CDKAL1: variants seen among roughly 807,000 people sequenced by gnomAD.
The protein encoded by CDKAL1 is threonylcarbamoyladenosine tRNA methylthiotransferase.
A neutral mutation model predicts 68.2 loss-of-function variants in CDKAL1; 32 were observed. The observed-to-expected ratio is 0.47, with a 90% confidence interval of 0.35 to 0.63. The LOEUF is 0.63. CDKAL1 is among the 30% of genes least tolerant of loss of function. The pLI is 0.00. For synonymous variants in CDKAL1, 234 were observed against 244.3 expected, an observed-to-expected ratio of 0.96 and a Z score of 0.39; for missense variants, 606 against 696.7, an observed-to-expected ratio of 0.87 and a Z score of 1.47.
At chr6:20,640,335 A>G (rs1768114061) in intron 4 of CDKAL1, among the ~76,000 whole-genome samples, 1 of 152,220 alleles carries the variant, frequency 6.6e-6, no homozygotes, top group South Asian at 2.1e-4. Flanking sequence ...GTTGATTTTC[A>G]AATGGAACTG....
intron 6 of CDKAL1, among the ~76,000 whole-genome samples, chr6:20,754,694 G>A (rs958774261): frequency 2.0e-5 from 3 of 152,124 alleles, no homozygotes; most frequent in Non-Finnish European, 2.9e-5. Flanking sequence ...CTAGATATAA[G>A]TTCCTTACCA....
chr6:20,712,446 A>C (rs1771889595), intron 5 of CDKAL1, among the ~76,000 whole-genome samples: 1 of 151,946 alleles, frequency 6.6e-6, no homozygotes, highest in African/African-American at 2.4e-5. Context: ...GACTATTTTA[A>C]GGAAAGTTTT....
At chr6:20,746,777 A>G (rs951630635) in intron 6 of CDKAL1, among the ~76,000 whole-genome samples, 2 of 152,188 alleles carry the variant, frequency 1.3e-5, no homozygotes, top group Middle Eastern at 3.2e-3. Flanking sequence ...ATGTTTTTAT[A>G]TATACATAGT....
intron 9 of CDKAL1, among the ~76,000 whole-genome samples, chr6:20,902,358 C>CACACACACACAA (rs769859254): frequency 2.7e-3 from 69 of 25,536 alleles, no homozygotes; most frequent in East Asian, 0.018. Flanking sequence ...CACACACACA[C>CACACACACACAA]AATGTGTTTA....
chr6:21,126,523 A>G (rs1025037911), intron 13 of CDKAL1, among the ~76,000 whole-genome samples: 8 of 152,184 alleles, frequency 5.3e-5, no homozygotes, highest in Non-Finnish European at 8.8e-5. Context: ...ATCTGCAGTC[A>G]GCTCATTTTC....
chr6:20,792,057 G>A (rs568110312), intron 8 of CDKAL1, among the ~76,000 whole-genome samples: 61 of 151,780 alleles, frequency 4.0e-4, no homozygotes, highest in South Asian at 1.0e-3. Context: ...GATTGTGGAC[G>A]AGGGCCTGTC....
chr6:20,626,638 G>A (rs1767443179), intron 4 of CDKAL1, among the ~76,000 whole-genome samples: 1 of 151,988 alleles, frequency 6.6e-6, no homozygotes, highest in Non-Finnish European at 1.5e-5. Context: ...AAACTAATGA[G>A]GATTCATTTT....
intron 7 of CDKAL1, among the ~76,000 whole-genome samples, chr6:20,773,797 C>T (rs1372849203): frequency 3.9e-5 from 6 of 152,152 alleles, no homozygotes; most frequent in Non-Finnish European, 8.8e-5. Flanking sequence ...CTGCCCGCCT[C>T]GGCCTCCCAA....
chr6:20,664,497 C>T lies in CDKAL1; in HGVS notation c.371+15120C>T, dbSNP rs1341713327. Among the ~76,000 whole-genome samples, 3 of 152,198 alleles carry T rather than the reference C, an allele frequency of 2.0e-5. No individual in the cohort carries two copies. The East Asian group carries it at 5.8e-4, about 29-fold the overall frequency. ...TTAATTTGGTGCTTTCCTTAAGTACCTGTCAGTATTTTATGATAGTTACTG... is the reference window on the plus strand; with the variant it reads ...TTAATTTGGTGCTTTCCTTAAGTACTTGTCAGTATTTTATGATAGTTACTG... On this transcript the variant is annotated intron_variant, in intron 5 of 15. Transcript: ENST00000274695.
At chr6:20,725,241 T>C (rs1053696057) in intron 5 of CDKAL1, among the ~76,000 whole-genome samples, 4 of 152,102 alleles carry the variant, frequency 2.6e-5, no homozygotes, top group Non-Finnish European at 5.9e-5. Flanking sequence ...GAACTAATTA[T>C]AGATTTGTTT....
rs1234097275 is a variant in CDKAL1 at position 20,615,907 on chromosome 6, G to A, written c.287-33386G>A. Among the ~76,000 whole-genome samples the A allele has an allele frequency of 4.8e-5, 7 of 145,840 alleles. No individual in the cohort carries two copies. In the South Asian group the frequency reaches 1.4e-3, roughly 29 times the overall value. On this transcript the variant is annotated intron_variant, in intron 4 of 15. Transcript: ENST00000274695. Reference sequence around the variant, plus strand: ...TAGGTTTTCTTCTAGGGTTTTTATGGTTTTAGGTCTAACGTTTAAGTCTTT... The same window carrying A: ...TAGGTTTTCTTCTAGGGTTTTTATGATTTTAGGTCTAACGTTTAAGTCTTT...
chr6:21,133,023 C>T (rs1775408696), intron 13 of CDKAL1, among the ~76,000 whole-genome samples: 1 of 152,188 alleles, frequency 6.6e-6, no homozygotes, highest in African/African-American at 2.4e-5. Context: ...TTTCGGCAGC[C>T]TTTCTCCCTA....
Position 21,065,031 on chromosome 6 carries a change from G to T in CDKAL1, c.1056-17G>T, listed in dbSNP as rs1211141965. The T allele has an allele frequency of 1.3e-6, 2 of 1,490,438 alleles. No individual in the cohort carries two copies. Among genetic ancestry groups the T allele is most frequent in the East Asian group, 2.4e-5 (1 of 41,616 alleles). The allele number at this position is 1,490,438 out of a possible 1,614,324, so 92.3% of individuals were successfully genotyped here. A position where few individuals can be genotyped will look rare whatever the true frequency, so the allele number is the denominator to read the frequency against. On this transcript the variant is annotated splice_polypyrimidine_tract_variant and intron_variant, in intron 11 of 15. Transcript: ENST00000274695. ...CTTATAGTCAAGTTTTTACATTTTT[G>T]TCTTGTTATTTTCTAGAGTTCCTGG...
At chr6:21,188,289 C>T (rs138416575) in intron 13 of CDKAL1, among the ~76,000 whole-genome samples, 13 of 152,246 alleles carry the variant, frequency 8.5e-5, no homozygotes, top group South Asian at 6.2e-4. Flanking sequence ...TTCATCAACA[C>T]GTTACATGTC....
chr6:21,216,668 A>G (rs1380106868), intron 15 of CDKAL1, among the ~76,000 whole-genome samples: 1 of 151,984 alleles, frequency 6.6e-6, no homozygotes, highest in Non-Finnish European at 1.5e-5. Context: ...AAAGAAAGAG[A>G]TTCTTAGGGG....
intron 9 of CDKAL1, among the ~76,000 whole-genome samples, chr6:20,853,042 C>A (rs925949125): frequency 1.3e-5 from 2 of 152,148 alleles, no homozygotes; most frequent in Non-Finnish European, 2.9e-5. Context: ...ATGAAAGCAG[C>A]CACAGAAAAT....
At chr6:21,006,263 A>G (rs574092600) in intron 11 of CDKAL1, among the ~76,000 whole-genome samples, 8 of 152,182 alleles carry the variant, frequency 5.3e-5, no homozygotes, top group Admixed American at 5.2e-4. Flanking sequence ...GCTTGGAAAC[A>G]TAAGTAGAAT....
At position 20,802,312 on chromosome 6, in the gene CDKAL1, CAACAATAATAAT is replaced by C. The variant is rs1156577649; in HGVS notation, c.638+21050_638+21061del. Reference sequence around the variant, plus strand: ...ACTCCGTCTCAAAAAACAACAACAACAACAATAATAATAATAATAATAATAATAATAATGTGA... The same window carrying C: ...ACTCCGTCTCAAAAAACAACAACAACAATAATAATAATAATAATAATGTGA... On this transcript the variant is annotated intron_variant, in intron 8 of 15. Coordinates refer to ENST00000274695, the MANE Select transcript of CDKAL1 (RefSeq NM_017774.3). 1.6e-3 allele frequency among the ~76,000 whole-genome samples: 164 copies of C among 99,688 alleles called. 2 individuals are homozygous for C. Among genetic ancestry groups the C allele is most frequent in the African/African-American group, 3.0e-3 (85 of 28,634 alleles). The allele number at this position is 99,688 out of a possible 152,430, so 65.4% of individuals were successfully genotyped here.
chr6:20,874,522 TAAAC>T (rs1760397400), intron 9 of CDKAL1, among the ~76,000 whole-genome samples: 1 of 152,040 alleles, frequency 6.6e-6, no homozygotes, highest in Non-Finnish European at 1.5e-5. Flanking sequence ...TGTTTATTTT[TAAAC>T]TTTTTTTGAG....
Sources: gnomAD v4.1 joint callset for allele counts (sites outside exome capture counted in the v4.1 genomes callset) on GRCh38, gnomAD v4.1.1 for gene constraint, MANE v1.5 for transcripts, NCBI Gene and HGNC (gene_info 2026-07-23, HGNC 2026-07-21) for gene names.